The following DPP6 variants were observed in gnomAD, a reference collection of about 807,000 sequenced individuals.
DPP6 encodes A-type potassium channel modulatory protein DPP6.
Under a neutral mutation model 122.6 loss-of-function variants are expected in DPP6, and 69 were observed. The observed-to-expected ratio is 0.56, with a 90% CI of 0.46 to 0.69. DPP6 has a LOEUF of 0.69. Ranked by LOEUF, DPP6 falls within the 30% of genes least tolerant of loss-of-function variation. The pLI is 0.00. For synonymous variants in DPP6, 418 were observed against 433.1 expected (o/e 0.97, Z 0.43); for missense variants, 928 against 1,116.9 (o/e 0.83, Z 2.41).
At chr7:153,757,944 A>AT in the DPP6 span, among the ~76,000 whole-genome samples, 1 of 146,542 alleles carries the variant, frequency 6.8e-6, no homozygotes, top group African/African-American at 2.8e-5. Flanking sequence ...GGGTGACAGA[A>AT]TGAGATGTTG....
At chr7:154,775,778 T>C (rs1248529915) in intron 10 of DPP6, among the ~76,000 whole-genome samples, 1 of 152,152 alleles carries the variant, frequency 6.6e-6, no homozygotes, top group African/African-American at 2.4e-5. Context: ...CCTGCCTCTT[T>C]ACCACCTTCA....
intron 1 of DPP6, among the ~76,000 whole-genome samples, chr7:154,220,010 A>G (rs1477903194): frequency 1.3e-5 from 2 of 152,182 alleles, no homozygotes; most frequent in Non-Finnish European, 2.9e-5. Flanking sequence ...TGGAGCTCAC[A>G]GCCTTTCACC....
At chr7:154,634,600 C>T (rs777423630) in intron 5 of DPP6, among the ~76,000 whole-genome samples, 20 of 151,992 alleles carry the variant, frequency 1.3e-4, no homozygotes, top group African/African-American at 2.2e-4. Flanking sequence ...ACGGTACAGA[C>T]GAACAATTAA....
At chr7:154,726,831 A>G (rs1437325655) in intron 7 of DPP6, among the ~76,000 whole-genome samples, 1 of 152,062 alleles carries the variant, frequency 6.6e-6, no homozygotes, top group African/African-American at 2.4e-5. Context: ...CCAATCATCT[A>G]TTTGCTCATG....
intron 1 of DPP6, among the ~76,000 whole-genome samples, chr7:154,040,819 C>T (rs930821185): frequency 6.6e-5 from 10 of 151,544 alleles, no homozygotes; most frequent in East Asian, 3.9e-4. Flanking sequence ...ACTTAGCCTG[C>T]GTGCTACATG....
intron 1 of DPP6, among the ~76,000 whole-genome samples, chr7:153,982,792 A>C (rs935001733): frequency 1.4e-4 from 22 of 152,306 alleles, no homozygotes; most frequent in African/African-American, 5.3e-4. Context: ...TTCTTCTAAC[A>C]GTCAGTCACC....
intron 1 of DPP6, among the ~76,000 whole-genome samples, chr7:153,989,376 A>G (rs2129041425): frequency 6.7e-6 from 1 of 149,766 alleles, no homozygotes; most frequent in East Asian, 2.0e-4. Flanking sequence ...TATGGGGAGG[A>G]GTGAGAGTTG....
rs564896075 is a variant in DPP6 at position 154,828,318 on chromosome 7, CT to C, written c.1666+21216del. ...CTTAAGTTTGAAGTTGCTGTAAAAT[CT>C]TTTTTTTTTAATTAGATAAAATTTT... On this transcript the variant is annotated intron_variant, in intron 16 of 25. Transcript: ENST00000377770. 2.7e-4 allele frequency among the ~76,000 whole-genome samples: 40 copies of C among 149,126 alleles called. No individual in the cohort carries two copies. In the East Asian group the frequency reaches 3.3e-3, roughly 12 times the overall value.
At chr7:154,279,032 T>A (rs13240986) in intron 1 of DPP6, among the ~76,000 whole-genome samples, 39,881 of 151,548 alleles carry the variant, frequency 0.26, 5,613 homozygotes, top group Non-Finnish European at 0.32. Flanking sequence ...GTGTGGTATG[T>A]GTATGTATGG....
At chr7:154,730,583 G>A (rs1322937974) in intron 8 of DPP6, among the ~76,000 whole-genome samples, 2 of 151,962 alleles carry the variant, frequency 1.3e-5, no homozygotes, top group Admixed American at 6.6e-5. Context: ...TTATCACAAA[G>A]GAAAAAAGAT....
At chr7:154,027,711 C>T (rs1406334971) in intron 1 of DPP6, among the ~76,000 whole-genome samples, 1 of 151,694 alleles carries the variant, frequency 6.6e-6, no homozygotes, top group Admixed American at 6.6e-5. Context: ...AGTTGATTTG[C>T]TGTCTTATTT....
rs1805027721 is a variant in DPP6 at position 154,877,885 on chromosome 7, G to A, written c.2078+1785G>A. ...ACAAGGGAATGCTGGGGTTCAGTGT[G>A]GAAGGAGGATGGGTGGGTGGCTGCT... On this transcript the variant is annotated intron_variant, in intron 20 of 25. Coordinates refer to ENST00000377770, the MANE Select transcript of DPP6 (RefSeq NM_130797.4). This position sits in a 1 kb window ranked among gnomAD's most constrained non-coding sequence, Gnocchi z 5.2. Among the ~76,000 whole-genome samples the A allele has an allele frequency of 6.6e-6, 1 of 152,162 alleles. No individual in the cohort carries two copies. The highest frequency in any genetic ancestry group is 6.5e-5 in the Admixed American group (1 of 15,274).
At chr7:154,676,997 G>A (rs1461378586) in intron 7 of DPP6, among the ~76,000 whole-genome samples, 1 of 152,224 alleles carries the variant, frequency 6.6e-6, no homozygotes, top group Non-Finnish European at 1.5e-5. Context: ...TATGGTTATT[G>A]TTTCTTGGGA....
chr7:154,339,444 A>G (rs1471065960), intron 1 of DPP6, among the ~76,000 whole-genome samples: 1 of 152,174 alleles, frequency 6.6e-6, no homozygotes, highest in Non-Finnish European at 1.5e-5. Context: ...GGTGTTTACT[A>G]AAAGGTCTTT....
At chr7:154,856,068 A>G (rs1802806230) in intron 17 of DPP6, among the ~76,000 whole-genome samples, 1 of 152,196 alleles carries the variant, frequency 6.6e-6, no homozygotes, top group Non-Finnish European at 1.5e-5. Context: ...TCTATGCACT[A>G]TTTGTGCAAC....
intron 1 of DPP6, among the ~76,000 whole-genome samples, chr7:154,427,092 T>C (rs546843015): frequency 6.6e-6 from 1 of 152,360 alleles, no homozygotes; most frequent in East Asian, 1.9e-4. Flanking sequence ...ATTAATATTT[T>C]ATTGTTGAAA....
At chr7:153,871,305 T>C in the DPP6 span, among the ~76,000 whole-genome samples, 9 of 152,214 alleles carry the variant, frequency 5.9e-5, no homozygotes, top group Admixed American at 1.3e-4. Context: ...CCACGCAGTT[T>C]GAGCTTCCCG....
chr7:154,548,110 G>C (rs1829343359), intron 4 of DPP6, among the ~76,000 whole-genome samples: 1 of 152,160 alleles, frequency 6.6e-6, no homozygotes, highest in South Asian at 2.1e-4. Flanking sequence ...TCAGGAGGCT[G>C]AGGCAGGAGA....
Position 154,807,066 on chromosome 7 carries a change from C to T in DPP6, c.1620C>T (p.Ser540=), listed in dbSNP as rs369843983. ...CDLVENCTYF[S]ASFSHSMDFF... ...TGGTTGAGAACTGCACCTACTTCAG[C>T]GCTTCCTTCAGCCATAGCATGGACT... is the stretch of plus-strand genomic sequence containing the variant. Residue 540 remains serine, a synonymous_variant, in exon 16 of 26, where the codon AGC becomes AGT. Transcript: ENST00000377770. The T allele has an allele frequency of 4.0e-5, 65 of 1,613,800 alleles. No homozygotes were observed. Among genetic ancestry groups the T allele is most frequent in the South Asian group, 2.0e-4 (18 of 91,072 alleles).
Sources: allele counts gnomAD v4.1 joint callset (sites outside exome capture counted in the v4.1 genomes callset), GRCh38; gene constraint gnomAD v4.1.1; non-coding constraint Gnocchi (gnomAD v3.1); transcripts MANE v1.5; gene names NCBI Gene and HGNC (gene_info 2026-07-23, HGNC 2026-07-21).